Variants in ARID1B observed in about 807,000 individuals in gnomAD.
The protein encoded by ARID1B is AT-rich interactive domain-containing protein 1B.
In ARID1B, 30 loss-of-function variants were observed where a neutral mutation model predicts 212.3. That is an observed-to-expected ratio of 0.14 (90% CI 0.11 to 0.19). The LOEUF is 0.19. Ranked by LOEUF, ARID1B falls within the 10% of genes least tolerant of loss-of-function variation. The pLI is 1.00. For synonymous variants in ARID1B, 1,402 were observed against 1,301.7 expected, an observed-to-expected ratio of 1.08 and a Z score of -1.66; for missense variants, 2,891 against 3,204.0, an observed-to-expected ratio of 0.90 and a Z score of 2.36.
intron 8 of ARID1B, among the ~76,000 whole-genome samples, chr6:157,165,806 C>T (rs989106609): frequency 6.6e-6 from 1 of 152,070 alleles, no homozygotes; most frequent in Non-Finnish European, 1.5e-5. Context: ...GCCAAGACTG[C>T]GCCACTGCAC....
chr6:157,198,947 T>G (rs577657945), intron 17 of ARID1B, 40 bp downstream of exon 17: 2 of 1,509,062 alleles, frequency 1.3e-6, no homozygotes, highest in South Asian at 2.4e-5. Flanking sequence ...TGTTTTCTGG[T>G]TCTGTCCTGG....
chr6:156,970,324 C>A (rs1278742781), intron 4 of ARID1B, among the ~76,000 whole-genome samples: 1 of 152,128 alleles, frequency 6.6e-6, no homozygotes. Flanking sequence ...CTCAAGTGAT[C>A]CACCTGCCTC....
At chr6:157,183,948 C>G (rs1792763983) in intron 12 of ARID1B, among the ~76,000 whole-genome samples, 1 of 152,128 alleles carries the variant, frequency 6.6e-6, no homozygotes, top group African/African-American at 2.4e-5. Flanking sequence ...TTGAGATGCC[C>G]TTTTTCCTTA....
At chr6:157,085,227 A>G (rs1784890922) in intron 5 of ARID1B, among the ~76,000 whole-genome samples, 1 of 152,204 alleles carries the variant, frequency 6.6e-6, no homozygotes, top group Non-Finnish European at 1.5e-5. Flanking sequence ...GCTTCTGTTG[A>G]TGAGTGCCAC....
intron 8 of ARID1B, among the ~76,000 whole-genome samples, chr6:157,155,899 T>C (rs1199361181): frequency 6.6e-6 from 1 of 152,172 alleles, no homozygotes; most frequent in African/African-American, 2.4e-5. Flanking sequence ...CTGTGGCTCA[T>C]GTGCACCCCA....
At chr6:156,877,467 C>T (rs751047316) in intron 2 of ARID1B, among the ~76,000 whole-genome samples, 2 of 152,194 alleles carry the variant, frequency 1.3e-5, no homozygotes, top group African/African-American at 2.4e-5. Flanking sequence ...GTGCTTCTTC[C>T]TTGCCTGCTG....
chr6:157,124,419 C>T (rs6912290), intron 6 of ARID1B, among the ~76,000 whole-genome samples: 3,250 of 152,268 alleles, frequency 0.021, 116 homozygotes, highest in African/African-American at 0.074. Context: ...AGCTAACATA[C>T]GTGGTGCTTT....
intron 3 of ARID1B, among the ~76,000 whole-genome samples, chr6:156,931,378 A>G (rs538624940): frequency 1.3e-5 from 2 of 152,154 alleles, no homozygotes; most frequent in East Asian, 1.9e-4. Flanking sequence ...TGGCCTTTCT[A>G]CTAGGCCCTT....
At chr6:157,195,213 C>A (rs1459486431) in intron 15 of ARID1B, 1 of 152,210 alleles carries the variant, frequency 6.6e-6, no homozygotes, top group Non-Finnish European at 1.5e-5. Context: ...GGCCTCTGCT[C>A]AGGGTCCCAC....
At chr6:156,907,803 G>T (rs1238225533) in intron 3 of ARID1B, among the ~76,000 whole-genome samples, 1 of 151,598 alleles carries the variant, frequency 6.6e-6, no homozygotes, top group Non-Finnish European at 1.5e-5. Flanking sequence ...AGCTACTTGG[G>T]AGGCTGAGGC....
intron 2 of ARID1B, among the ~76,000 whole-genome samples, chr6:156,880,134 AAG>A (rs1160374319): frequency 1.1e-4 from 16 of 152,168 alleles, no homozygotes; most frequent in Non-Finnish European, 2.1e-4. Context: ...TGGGAGGAAA[AAG>A]AGATTTCTGG....
chr6:156,931,961 TAAAAAAAA>T (rs56102774), intron 3 of ARID1B, among the ~76,000 whole-genome samples: 2 of 97,414 alleles, frequency 2.1e-5, no homozygotes, highest in Admixed American at 1.1e-4. Flanking sequence ...GATTCCGTCT[TAAAAAAAA>T]AAAAAAAAAA....
intron 3 of ARID1B, among the ~76,000 whole-genome samples, chr6:156,908,414 T>C (rs536886171): frequency 6.6e-6 from 1 of 152,150 alleles, no homozygotes; most frequent in Admixed American, 6.5e-5. Flanking sequence ...TTCATAATGG[T>C]TTTTCTTCTT....
chr6:156,897,206 G>GCTTCTTCTTCTT (rs1562468084), intron 2 of ARID1B, among the ~76,000 whole-genome samples: 1 of 82,794 alleles, frequency 1.2e-5, no homozygotes, highest in African/African-American at 4.6e-5. Flanking sequence ...TGCTGCTGCT[G>GCTTCTTCTTCTT]CTGCTGCTGC....
Position 156,955,046 on chromosome 6 carries a change from C to T in ARID1B, c.2247+19470C>T, listed in dbSNP as rs567080404. Among the ~76,000 whole-genome samples the T allele has an allele frequency of 4.3e-4, 65 of 152,308 alleles. No homozygotes were observed. Among genetic ancestry groups the T allele is most frequent in the African/African-American group, 1.5e-3 (62 of 41,568 alleles). On this transcript the variant is annotated intron_variant, in intron 4 of 19. Coordinates refer to ENST00000636930, the MANE Select transcript of ARID1B (RefSeq NM_001374828.1). This position sits in a 1 kb window ranked among gnomAD's most constrained non-coding sequence, Gnocchi z 4.2. Reference sequence around the variant, plus strand: ...TTGCGGCAGCTGCAGCCCACTCTTGCCACTGTGATGGGAGCTGCTCTGAAG... The same window carrying T: ...TTGCGGCAGCTGCAGCCCACTCTTGTCACTGTGATGGGAGCTGCTCTGAAG...
chr6:157,162,510 C>T (rs190911217), intron 8 of ARID1B, among the ~76,000 whole-genome samples: 29 of 152,258 alleles, frequency 1.9e-4, no homozygotes, highest in Non-Finnish European at 2.9e-4. Context: ...GTGTGCAGCC[C>T]GTGGGCAGGA....
intron 4 of ARID1B, among the ~76,000 whole-genome samples, chr6:156,989,185 C>G (rs1778120001): frequency 6.6e-6 from 1 of 152,188 alleles, no homozygotes; most frequent in Non-Finnish European, 1.5e-5. Context: ...ATTTCACTCC[C>G]TGGTTGCTTT....
At chr6:157,054,464 A>C (rs1390602807) in intron 4 of ARID1B, among the ~76,000 whole-genome samples, 3 of 152,240 alleles carry the variant, frequency 2.0e-5, no homozygotes, top group Admixed American at 1.3e-4. Context: ...ATAAACATGT[A>C]AATCTGGTGA....
At position 156,778,974 on chromosome 6, in the gene ARID1B, G is replaced by T. The variant is rs1476058738; in HGVS notation, c.1294G>T (p.Ala432Ser). The T allele has an allele frequency of 7.8e-7, 1 of 1,280,952 alleles. No homozygotes were observed. 79.3% of individuals were successfully genotyped at this position (1,280,952 alleles called of 1,614,324 possible). A position where few individuals can be genotyped will look rare whatever the true frequency, so the allele number is the denominator to read the frequency against. ...VAAAAAAAAA[A>S]AGGGGGGGYG... Reference sequence around the variant, plus strand: ...GGCGGCGGCCGCGGCGGCGGCGGCAGCAGCAGGAGGCGGCGGCGGCGGCGG... The same window carrying T: ...GGCGGCGGCCGCGGCGGCGGCGGCATCAGCAGGAGGCGGCGGCGGCGGCGG... Residue 432 changes from alanine to serine, a missense_variant, in exon 1 of 20, where the codon GCA becomes TCA. Coordinates refer to ENST00000636930, the MANE Select transcript of ARID1B (RefSeq NM_001374828.1).
Sources: gnomAD v4.1 joint callset for allele counts (sites outside exome capture counted in the v4.1 genomes callset) on GRCh38, gnomAD v4.1.1 for gene constraint, Gnocchi (gnomAD v3.1) non-coding constraint, MANE v1.5 for transcripts, NCBI Gene and HGNC (gene_info 2026-07-23, HGNC 2026-07-21) for gene names.